The following NELL2 variants were observed in gnomAD, a reference collection of about 807,000 sequenced individuals.
NELL2 encodes protein kinase C-binding protein NELL2.
Under a neutral mutation model 109.6 loss-of-function variants are expected in NELL2, and 41 were observed. The ratio of observed to expected loss-of-function variants is 0.37; its 90% CI spans 0.29 to 0.49. The LOEUF (loss-of-function observed/expected upper bound fraction) is 0.49. NELL2 is among the 20% of genes least tolerant of loss of function. The probability of loss-of-function intolerance (pLI) is 0.98; values close to 1 mark genes in which losing one functional copy is unlikely to be tolerated. For synonymous variants in NELL2, 355 were observed against 344.7 expected (o/e 1.03, Z -0.33); for missense variants, 900 against 1,008.3 (o/e 0.89, Z 1.45).
intron 13 of NELL2, among the ~76,000 whole-genome samples, chr12:44,639,233 G>A (rs1367261614): frequency 6.6e-6 from 1 of 152,064 alleles, no homozygotes; most frequent in Admixed American, 6.6e-5. Context: ...TATGCCTAGA[G>A]GAAAAGGTAG....
At chr12:44,613,932 A>G (rs1271383065) in intron 13 of NELL2, among the ~76,000 whole-genome samples, 1 of 152,068 alleles carries the variant, frequency 6.6e-6, no homozygotes, top group Admixed American at 6.6e-5. Flanking sequence ...TACTTCCTCC[A>G]ATACTTCCAA....
chr12:44,787,397 A>T (rs1942218368), intron 3 of NELL2, among the ~76,000 whole-genome samples: 1 of 152,102 alleles, frequency 6.6e-6, no homozygotes, highest in African/African-American at 2.4e-5. Flanking sequence ...ATGGCAAAAA[A>T]TTTAGCTGTA....
rs931401641 is a variant in NELL2, at chr12:44,587,043, C to T, written c.1663+20126G>A. On this transcript the variant is annotated intron_variant, in intron 15 of 19. Coordinates refer to ENST00000429094, the MANE Select transcript of NELL2 (RefSeq NM_001145108.2). Reference sequence around the variant, plus strand: ...ATCCCGGCACTTTGGGAGGCCGAGGCGGGTGGATCATGAGGTCAGGAGATT... The same window carrying T: ...ATCCCGGCACTTTGGGAGGCCGAGGTGGGTGGATCATGAGGTCAGGAGATT... 4.6e-5 allele frequency among the ~76,000 whole-genome samples: 7 copies of T among 151,608 alleles called. No individual in the cohort carries two copies. The East Asian group carries it at 5.8e-4, about 13-fold the overall frequency.
chr12:44,886,588 A>G (rs1945476229), intron 1 of NELL2, among the ~76,000 whole-genome samples: 1 of 152,040 alleles, frequency 6.6e-6, no homozygotes, highest in African/African-American at 2.4e-5. Context: ...ATACACTCAT[A>G]TAATTTGTAA....
intron 12 of NELL2, among the ~76,000 whole-genome samples, chr12:44,674,519 C>G (rs932310033): frequency 1.3e-5 from 2 of 151,954 alleles, no homozygotes; most frequent in East Asian, 3.8e-4. Flanking sequence ...TGTTCAGGAA[C>G]AATAAATAAT....
intron 10 of NELL2, 89 bp from the exon 11 acceptor site, chr12:44,711,483 T>A: frequency 8.8e-7 from 1 of 1,136,064 alleles, no homozygotes; most frequent in African/African-American, 1.6e-5. Flanking sequence ...AAGACTCTTT[T>A]AAGATCAAGA....
intron 2 of NELL2, among the ~76,000 whole-genome samples, chr12:44,862,456 T>C (rs1944869869): frequency 1.3e-5 from 2 of 152,244 alleles, no homozygotes; most frequent in African/African-American, 2.4e-5. Flanking sequence ...GGCCAAAGAT[T>C]AATCTGATGA....
At chr12:44,862,893 G>A (rs1054894888) in intron 2 of NELL2, among the ~76,000 whole-genome samples, 28 of 152,056 alleles carry the variant, frequency 1.8e-4, no homozygotes, top group Non-Finnish European at 3.1e-4. Flanking sequence ...TTTATGGGAC[G>A]GCATCAGGAG....
chr12:44,838,256 G>C (rs1944116054), intron 2 of NELL2, among the ~76,000 whole-genome samples: 1 of 152,100 alleles, frequency 6.6e-6, no homozygotes, highest in Admixed American at 6.6e-5. Flanking sequence ...TTGGTACCAT[G>C]GTGTTCCCCA....
At chr12:44,644,580 G>GTATATATATATA (rs138161908) in intron 13 of NELL2, among the ~76,000 whole-genome samples, 336 of 83,990 alleles carry the variant, frequency 4.0e-3, no homozygotes, top group Non-Finnish European at 5.8e-3. Context: ...ACAAAGTAAA[G>GTATATATATATA]TATATATATA....
chr12:44,643,760 T>C (rs915090368), intron 13 of NELL2, among the ~76,000 whole-genome samples: 1 of 152,194 alleles, frequency 6.6e-6, no homozygotes, highest in Non-Finnish European at 1.5e-5. Context: ...TTCCCCTGAA[T>C]TTCAGTAGAG....
At chr12:44,813,510 A>T (rs1227594078) in intron 3 of NELL2, among the ~76,000 whole-genome samples, 10 of 152,194 alleles carry the variant, frequency 6.6e-5, no homozygotes, top group Admixed American at 1.3e-4. Context: ...TTTTAAAGGT[A>T]TAACTAGAAA....
At chr12:44,776,975 T>C in intron 7 of NELL2, 67 bp downstream of exon 7, 1 of 1,346,022 alleles carries the variant, frequency 7.4e-7, no homozygotes, top group Non-Finnish European at 1.1e-6. Flanking sequence ...TCTATGGTTA[T>C]AAATGGAAGT....
chr12:44,904,729 A>T (rs1432188917), intron 1 of NELL2, among the ~76,000 whole-genome samples: 1 of 152,176 alleles, frequency 6.6e-6, no homozygotes, highest in Non-Finnish European at 1.5e-5. Flanking sequence ...TTAAAATCAA[A>T]TGTTACACAA....
chr12:44,649,082 T>C (rs1947209537), intron 13 of NELL2, among the ~76,000 whole-genome samples: 1 of 151,964 alleles, frequency 6.6e-6, no homozygotes, highest in Non-Finnish European at 1.5e-5. Flanking sequence ...CCATCTTACA[T>C]TTTCATAATG....
At chr12:44,831,883 ATCT>A (rs914365000) in intron 2 of NELL2, among the ~76,000 whole-genome samples, 2 of 152,044 alleles carry the variant, frequency 1.3e-5, no homozygotes, top group African/African-American at 4.8e-5. Context: ...AAAAGAAATA[ATCT>A]TCTTTCTTAT....
At chr12:44,906,264 G>A (rs902972449) in intron 1 of NELL2, among the ~76,000 whole-genome samples, 2 of 151,972 alleles carry the variant, frequency 1.3e-5, no homozygotes, top group Non-Finnish European at 2.9e-5. Flanking sequence ...GTACGATTGG[G>A]GTTAGGAAGA....
At chr12:44,814,938 G>A (rs963889367) in intron 3 of NELL2, among the ~76,000 whole-genome samples, 13 of 152,148 alleles carry the variant, frequency 8.5e-5, no homozygotes, top group African/African-American at 3.1e-4. Flanking sequence ...TATAGGTAAA[G>A]CATTTTATAT....
intron 15 of NELL2, among the ~76,000 whole-genome samples, chr12:44,594,148 C>T (rs563526682): frequency 4.7e-5 from 7 of 149,998 alleles, no homozygotes; most frequent in Non-Finnish European, 8.9e-5. Context: ...TTGGGGGTGG[C>T]GGGATAGGAG....
Sources: allele counts gnomAD v4.1 joint callset (sites outside exome capture counted in the v4.1 genomes callset), GRCh38; gene constraint gnomAD v4.1.1; transcripts MANE v1.5; gene names NCBI Gene and HGNC (gene_info 2026-07-23, HGNC 2026-07-21).